The following HLCS variants were observed in gnomAD, a reference collection of about 807,000 sequenced individuals.
HLCS encodes the protein biotin--protein ligase.
A neutral mutation model predicts 75.0 loss-of-function variants in HLCS; 53 were observed. The ratio of observed to expected loss-of-function variants is 0.71; its 90% CI spans 0.57 to 0.89. The LOEUF (loss-of-function observed/expected upper bound fraction) is 0.89, where lower values mean the gene tolerates loss of function less well. Ranked by LOEUF, HLCS falls within the 40% of genes least tolerant of loss-of-function variation. The pLI, the probability that HLCS is intolerant of heterozygous loss-of-function variation, is 0.00. For missense variants in HLCS, 966 were observed against 1,074.0 expected (o/e 0.90, Z 1.41); for synonymous variants, 431 against 428.6 (o/e 1.01, Z -0.07).
At chr21:36,907,627 G>A (rs1035151753) in intron 5 of HLCS, among the ~76,000 whole-genome samples, 1 of 152,076 alleles carries the variant, frequency 6.6e-6, no homozygotes, top group Non-Finnish European at 1.5e-5. Context: ...ACTCCAGCCT[G>A]GGCGACAGAG....
At chr21:36,962,605 T>C (rs2054389875) in intron 1 of HLCS, among the ~76,000 whole-genome samples, 1 of 151,834 alleles carries the variant, frequency 6.6e-6, no homozygotes, top group Non-Finnish European at 1.5e-5. Flanking sequence ...CTGGCCAACA[T>C]GGTGAAACCT....
At chr21:36,854,220 G>A (rs2063110185) in intron 6 of HLCS, among the ~76,000 whole-genome samples, 1 of 152,174 alleles carries the variant, frequency 6.6e-6, no homozygotes, top group Admixed American at 6.5e-5. Context: ...ACTGTTAGAT[G>A]TCAGCTTAAA....
At chr21:36,761,820 CA>C (rs2089856456) in intron 8 of HLCS, among the ~76,000 whole-genome samples, 1 of 152,292 alleles carries the variant, frequency 6.6e-6, no homozygotes, top group African/African-American at 2.4e-5. Flanking sequence ...ACCACATGGC[CA>C]GGGGAATGAG....
chr21:36,877,991 AT>A (rs767246203), intron 6 of HLCS, among the ~76,000 whole-genome samples: 1 of 151,814 alleles, frequency 6.6e-6, no homozygotes, highest in Non-Finnish European at 1.5e-5. Context: ...TTTTCCTCAG[AT>A]TACTTTCAGT....
intron 2 of HLCS, among the ~76,000 whole-genome samples, 199 bp downstream of exon 2, chr21:36,961,837 C>G (rs780474708): frequency 6.6e-6 from 1 of 151,708 alleles, no homozygotes; most frequent in Non-Finnish European, 1.5e-5. Context: ...GCCTGTAGTC[C>G]TAGCTACTCT....
At chr21:36,978,665 C>G (rs2069010608) in intron 1 of HLCS, among the ~76,000 whole-genome samples, 1 of 152,158 alleles carries the variant, frequency 6.6e-6, no homozygotes, top group Non-Finnish European at 1.5e-5. Flanking sequence ...CAGAGACTAG[C>G]TGGGGCAGAG....
intron 5 of HLCS, among the ~76,000 whole-genome samples, chr21:36,924,020 A>G (rs1677493954): frequency 6.6e-6 from 1 of 152,220 alleles, no homozygotes; most frequent in Admixed American, 6.5e-5. Flanking sequence ...ACAAGACCAC[A>G]GCAGCCACAT....
At chr21:36,794,977 G>A (rs1449844235) in intron 6 of HLCS, among the ~76,000 whole-genome samples, 2 of 151,968 alleles carry the variant, frequency 1.3e-5, no homozygotes, top group African/African-American at 2.4e-5. Context: ...GACAGCCCAC[G>A]GAATCCAAGC....
At chr21:36,833,595 A>T (rs1267001497) in intron 6 of HLCS, among the ~76,000 whole-genome samples, 4 of 144,140 alleles carry the variant, frequency 2.8e-5, no homozygotes, top group South Asian at 2.2e-4. Flanking sequence ...AAAAAAAATT[A>T]TATATATATA....
At chr21:36,915,607 C>A (rs985921622) in intron 5 of HLCS, among the ~76,000 whole-genome samples, 1 of 152,194 alleles carries the variant, frequency 6.6e-6, no homozygotes, top group African/African-American at 2.4e-5. Flanking sequence ...TAAGAAGCTC[C>A]GGCTCAGAAG....
At chr21:36,857,930 C>T (rs978920152) in intron 6 of HLCS, among the ~76,000 whole-genome samples, 6 of 151,992 alleles carry the variant, frequency 3.9e-5, no homozygotes, top group African/African-American at 1.5e-4. Context: ...GCTGGGACTA[C>T]AGACGTGAGG....
Position 36,896,867 on chromosome 21 carries a change from G to A in HLCS, c.1885C>T (p.Leu629=). 6.2e-7 allele frequency: 1 copy of A among 1,614,050 alleles called. No individual in the cohort carries two copies. The highest frequency in any genetic ancestry group is 2.2e-5 in the East Asian group (1 of 44,888). The part of the protein sequence containing the change: ...AEVTPTTMRL[L]DGLMFQTPQE... ...GACCTGCTCACACCTTACCCATCCA[G>A]GAGACGCATCGTTGTGGGGGTCACT... Residue 629 remains leucine (L), a synonymous_variant, in exon 6 of 11, where the codon CTG becomes TTG. Coordinates refer to ENST00000674895, the MANE Select transcript of HLCS (RefSeq NM_001352514.2).
intron 5 of HLCS, among the ~76,000 whole-genome samples, chr21:36,900,253 GAC>G (rs2065182221): frequency 6.6e-6 from 1 of 152,200 alleles, no homozygotes; most frequent in African/African-American, 2.4e-5. Flanking sequence ...ACAGATGGAG[GAC>G]CTGCTAAGAA....
At chr21:36,775,164 G>T (rs1432731682) in intron 6 of HLCS, among the ~76,000 whole-genome samples, 1 of 152,166 alleles carries the variant, frequency 6.6e-6, no homozygotes, top group South Asian at 2.1e-4. Flanking sequence ...CTTCATTTCC[G>T]TAGCTCCTGG....
intron 6 of HLCS, among the ~76,000 whole-genome samples, chr21:36,774,895 T>C (rs531775611): frequency 2.0e-5 from 3 of 152,358 alleles, no homozygotes; most frequent in South Asian, 4.1e-4. Flanking sequence ...AGGCAGATAA[T>C]AGAACAGTTT....
chr21:36,767,376 T>A, intron 6 of HLCS, 91 bp from the exon 7 acceptor site: 3 of 1,283,370 alleles, frequency 2.3e-6, no homozygotes, highest in South Asian at 2.4e-5. Context: ...TTTGCATGCA[T>A]CTGGGGGTGT....
intron 6 of HLCS, among the ~76,000 whole-genome samples, chr21:36,795,851 G>A (rs2061010361): frequency 6.6e-6 from 1 of 152,210 alleles, no homozygotes; most frequent in Non-Finnish European, 1.5e-5. Context: ...TCAAATGAAT[G>A]AGCGAATAAA....
intron 6 of HLCS, among the ~76,000 whole-genome samples, chr21:36,782,716 C>A (rs1206836788): frequency 1.3e-4 from 20 of 152,120 alleles, no homozygotes. Flanking sequence ...TGCCTGTAAT[C>A]CCAGCACTTT....
At position 36,982,571 on chromosome 21, in the gene HLCS, G is replaced by T. The variant is rs574358078; in HGVS notation, c.-393+7587C>A. Among the ~76,000 whole-genome samples, 11 of 152,220 alleles carry T rather than the reference G, an allele frequency of 7.2e-5. No individual in the cohort carries two copies. The South Asian group carries it at 2.3e-3, about 32-fold the overall frequency. ...ACAAACTGTCTTGGAGAATTATGAGGTCCTCAAACACAAAGCTTCATATTG... is the reference window on the plus strand; with the variant it reads ...ACAAACTGTCTTGGAGAATTATGAGTTCCTCAAACACAAAGCTTCATATTG... On this transcript the variant is annotated intron_variant, in intron 1 of 11. Transcript: ENST00000336648.
Sources: gnomAD v4.1 joint callset for allele counts (sites outside exome capture counted in the v4.1 genomes callset) on GRCh38, gnomAD v4.1.1 for gene constraint, MANE v1.5 for transcripts, NCBI Gene and HGNC (gene_info 2026-07-23, HGNC 2026-07-21) for gene names.